EIF4EBP1: variants seen among roughly 807,000 people sequenced by gnomAD.
EIF4EBP1 encodes eukaryotic translation initiation factor 4E binding protein 1, also known as eukaryotic translation initiation factor 4E-binding protein 1.
Under a neutral mutation model 9.2 loss-of-function variants are expected in EIF4EBP1, and 5 were observed. The observed-to-expected ratio is 0.54, with a 90% CI of 0.28 to 1.14. EIF4EBP1 has a LOEUF of 1.14. Among genes scored for constraint, EIF4EBP1 ranks in the 50% most tolerant of loss-of-function variants. The pLI is 0.09. For synonymous variants in EIF4EBP1, 62 were observed against 67.0 expected (o/e 0.93, Z 0.36); for missense variants, 139 against 169.6 (o/e 0.82, Z 1.00).
intron 1 of EIF4EBP1, among the ~76,000 whole-genome samples, chr8:38,036,655 C>T (rs544514540): frequency 6.7e-6 from 1 of 149,782 alleles, no homozygotes; most frequent in Non-Finnish European, 1.5e-5. Context: ...GAAGGCACAG[C>T]AATATTGTTT....
At chr8:38,044,805 A>AG (rs1417137807) in intron 1 of EIF4EBP1, among the ~76,000 whole-genome samples, 3 of 152,132 alleles carry the variant, frequency 2.0e-5, no homozygotes, top group Non-Finnish European at 4.4e-5. Flanking sequence ...GACGGCTGTG[A>AG]GGGGACAGCC....
At chr8:38,058,538 T>C (rs1283728253) in intron 2 of EIF4EBP1, among the ~76,000 whole-genome samples, 1 of 152,172 alleles carries the variant, frequency 6.6e-6, no homozygotes. Flanking sequence ...TTTCAAACCA[T>C]AGCATTCCAG....
rs760617966 is a variant in EIF4EBP1, at chr8:38,057,197, G to A, written c.262G>A (p.Glu88Lys). Residue 88 changes from glutamate to lysine, a missense_variant, in exon 2 of 3, where the codon GAG becomes AAG. Transcript: ENST00000338825. Reference sequence around the variant, plus strand: ...GGGGGTCACCAGCCCTTCCAGTGATGAGCCCCCCATGGAAGCCAGCCAGAG... The same window carrying A: ...GGGGGTCACCAGCCCTTCCAGTGATAAGCCCCCCATGGAAGCCAGCCAGAG... ...IPGVTSPSSDEPPMEASQSHL... is the reference protein window; with the variant it reads ...IPGVTSPSSDKPPMEASQSHL... 1.9e-6 allele frequency: 3 copies of A among 1,614,168 alleles called. No individual in the cohort carries two copies. Among genetic ancestry groups the A allele is most frequent in the Non-Finnish European group, 1.7e-6 (2 of 1,180,008 alleles).
Position 38,057,162 on chromosome 8 carries a change from C to T in EIF4EBP1, c.227C>T (p.Pro76Leu). Reference sequence around the variant, plus strand: ...ACCAAAACACCCCCAAGGGATCTGCCCACCATTCCGGGGGTCACCAGCCCT... The same window carrying T: ...ACCAAAACACCCCCAAGGGATCTGCTCACCATTCCGGGGGTCACCAGCCCT... The part of the protein sequence containing the change: ...PVTKTPPRDL[P>L]TIPGVTSPSS... The change falls in exon 2 of 3, where the codon CCC becomes CTC. Residue 76 changes from proline (P) to leucine (L), a missense_variant. Transcript: ENST00000338825. The T allele has an allele frequency of 6.2e-7, 1 of 1,614,244 alleles. No individual in the cohort carries two copies. The highest frequency in any genetic ancestry group is 8.5e-7 in the Non-Finnish European group (1 of 1,180,038).
intron 2 of EIF4EBP1, among the ~76,000 whole-genome samples, chr8:38,059,337 T>C (rs1809637630): frequency 6.6e-6 from 1 of 152,132 alleles, no homozygotes. Context: ...GCTTCCTCCA[T>C]GTGACATGCC....
chr8:38,034,026 G>A (rs561857527), intron 1 of EIF4EBP1, among the ~76,000 whole-genome samples: 2 of 152,164 alleles, frequency 1.3e-5, no homozygotes, highest in Non-Finnish European at 2.9e-5. Flanking sequence ...GATTACAGGC[G>A]TGAGCCACTG....
chr8:38,049,125 CAA>C (rs916485531), intron 1 of EIF4EBP1, among the ~76,000 whole-genome samples: 15 of 79,328 alleles, frequency 1.9e-4, no homozygotes, highest in Admixed American at 3.0e-4. Flanking sequence ...AACTCCGTCT[CAA>C]AAAAAAAAAA....
intron 1 of EIF4EBP1, among the ~76,000 whole-genome samples, chr8:38,038,865 G>A (rs910996220): frequency 2.0e-5 from 3 of 151,650 alleles, no homozygotes; most frequent in Admixed American, 6.6e-5. Context: ...CTTTGAATGA[G>A]GCCCAATACA....
intron 1 of EIF4EBP1, among the ~76,000 whole-genome samples, chr8:38,033,255 C>T (rs754143184): frequency 4.6e-5 from 7 of 151,276 alleles, no homozygotes; most frequent in African/African-American, 1.7e-4. Context: ...TTGGTAGAGA[C>T]GGGGGTTTCA....
intron 2 of EIF4EBP1, 127 bp from the exon 3 acceptor site, chr8:38,059,777 A>G: frequency 1.0e-6 from 1 of 962,614 alleles, no homozygotes; most frequent in Non-Finnish European, 1.6e-6. Flanking sequence ...ACAAAAAAAC[A>G]AAAAAAAACT....
intron 1 of EIF4EBP1, among the ~76,000 whole-genome samples, chr8:38,046,305 T>C (rs1336789124): frequency 6.6e-6 from 1 of 152,190 alleles, no homozygotes; most frequent in African/African-American, 2.4e-5. Context: ...GAAAGCAAAC[T>C]ACTGTCACCA....
At chr8:38,059,569 T>A (rs1297827734) in intron 2 of EIF4EBP1, among the ~76,000 whole-genome samples, 2 of 151,968 alleles carry the variant, frequency 1.3e-5, no homozygotes, top group Non-Finnish European at 2.9e-5. Context: ...CTGGCCAACA[T>A]GGCAAAACCC....
rs758891790 is a variant in EIF4EBP1, at chr8:38,057,231, G to A, written c.296G>A (p.Arg99His). The change falls in exon 2 of 3, where the codon CGC becomes CAC. Residue 99 changes from arginine (R) to histidine (H), a missense_variant. Physicochemically the swap from Arg to His is conservative, Grantham distance 29 (BLOSUM62 0). Transcript: ENST00000338825. ...PPMEASQSHL[R>H]NSPEDKRAGG... ...ATGGAAGCCAGCCAGAGCCACCTGC[G>A]CAATAGCCCAGAAGATAAGCGGGCG... 33 of 1,613,672 alleles carry A rather than the reference G, an allele frequency of 2.0e-5. No homozygotes were observed. The East Asian group carries it at 4.7e-4, about 23-fold the overall frequency.
At chr8:38,059,687 C>T (rs1223713687) in intron 2 of EIF4EBP1, among the ~76,000 whole-genome samples, 13 of 150,486 alleles carry the variant, frequency 8.6e-5, no homozygotes, top group Non-Finnish European at 1.3e-4. Context: ...ACCCAGGAGG[C>T]GGAGGTTGCA....
At chr8:38,046,706 G>A (rs766697160) in intron 1 of EIF4EBP1, among the ~76,000 whole-genome samples, 5 of 152,096 alleles carry the variant, frequency 3.3e-5, no homozygotes, top group African/African-American at 9.7e-5. Flanking sequence ...CATCATTGTC[G>A]TCGCCAATCT....
intron 2 of EIF4EBP1, 110 bp from the exon 3 acceptor site, chr8:38,059,794 C>A: frequency 4.0e-6 from 4 of 1,011,392 alleles, no homozygotes; most frequent in South Asian, 1.5e-5. Flanking sequence ...AACTTATTTT[C>A]TTTATAAATT....
At chr8:38,059,710 T>A (rs1809644211) in intron 2 of EIF4EBP1, among the ~76,000 whole-genome samples, 194 bp from the exon 3 acceptor site, 4 of 149,362 alleles carry the variant, frequency 2.7e-5, no homozygotes, top group Admixed American at 2.0e-4. Context: ...GAGCCGAAAT[T>A]GGGCCACTGC....
intron 1 of EIF4EBP1, among the ~76,000 whole-genome samples, chr8:38,032,254 T>G (rs1809235985): frequency 6.6e-6 from 1 of 152,220 alleles, no homozygotes; most frequent in African/African-American, 2.4e-5. Context: ...GGTTCACACC[T>G]GTAATGCCAG....
Position 38,060,052 on chromosome 8 carries a change from G to C in EIF4EBP1, c.*117G>C. 1.1e-6 allele frequency: 1 copy of C among 897,116 alleles called. No individual in the cohort carries two copies. The highest frequency in any genetic ancestry group is 2.4e-4 in the Middle Eastern group (1 of 4,180). 55.6% of individuals were successfully genotyped at this position (897,116 alleles called of 1,614,324 possible). A position where few individuals can be genotyped will look rare whatever the true frequency, so the allele number is the denominator to read the frequency against. On this transcript the variant is annotated 3_prime_UTR_variant, in exon 3 of 3. Transcript: ENST00000338825. ...ACTGGGCAGGCGTTGGCGTGGGGTC[G>C]GACACCCCAGCCCTTTCTCCCTCAC...
Sources: gnomAD v4.1 joint callset for allele counts (sites outside exome capture counted in the v4.1 genomes callset) on GRCh38, gnomAD v4.1.1 for gene constraint, MANE v1.5 for transcripts, NCBI Gene and HGNC (gene_info 2026-07-23, HGNC 2026-07-21) for gene names.